The following GABRB1 variants were observed in gnomAD, a reference collection of about 807,000 sequenced individuals.
GABRB1 encodes the protein gamma-aminobutyric acid receptor subunit beta-1.
In GABRB1, 17 loss-of-function variants were observed where a neutral mutation model predicts 51.6. The observed-to-expected ratio is 0.33, with a 90% confidence interval of 0.23 to 0.49. The LOEUF (loss-of-function observed/expected upper bound fraction) is 0.49. Among genes scored for constraint, GABRB1 ranks in the 20% least tolerant of loss-of-function variants. The pLI is 0.99. For missense variants in GABRB1, 410 were observed against 600.6 expected, an observed-to-expected ratio of 0.68 and a Z score of 3.32; for synonymous variants, 247 against 218.9, an observed-to-expected ratio of 1.13 and a Z score of -1.14.
At chr4:47,027,719 C>T (rs1383765251), upstream of GABRB1, among the ~76,000 whole-genome samples, 1 of 151,448 alleles carries the variant, frequency 6.6e-6, no homozygotes, top group Non-Finnish European at 1.5e-5. Context: ...TAATGCTATA[C>T]TTAAGCTAGA....
At chr4:47,031,233 T>C (rs1478024064), upstream of GABRB1, 2 of 186,224 alleles carry the variant, frequency 1.1e-5, no homozygotes, top group African/African-American at 4.7e-5. Flanking sequence ...AGAGTCCCCG[T>C]TCTAGGACCT....
upstream of GABRB1, among the ~76,000 whole-genome samples, chr4:47,029,681 TG>T (rs1224544521): frequency 6.6e-6 from 1 of 152,054 alleles, no homozygotes; most frequent in Non-Finnish European, 1.5e-5. Context: ...TTTTGTTTTT[TG>T]TATTAAAGTT....
At chr4:47,000,787 C>T (rs146853986) in intron 1 of GABRB1, among the ~76,000 whole-genome samples, 25 of 152,128 alleles carry the variant, frequency 1.6e-4, no homozygotes, top group African/African-American at 5.6e-4. Flanking sequence ...TTTTATATGC[C>T]GGCTGGTTTT....
intron 3 of GABRB1, among the ~76,000 whole-genome samples, chr4:47,102,457 T>C (rs975453430): frequency 1.6e-4 from 24 of 151,892 alleles, no homozygotes; most frequent in African/African-American, 5.8e-4. Flanking sequence ...TGTGAGTATA[T>C]ATGAAAGGGA....
intron 3 of GABRB1, among the ~76,000 whole-genome samples, chr4:47,087,281 T>A (rs11936304): frequency 0.081 from 1,375 of 17,024 alleles, 15 homozygotes; most frequent in African/African-American, 0.2. Context: ...TAGCATTAAT[T>A]TTTTTTTTTG....
rs537117986 is a variant in GABRB1 at position 47,160,578 on chromosome 4, T to TA, written c.241-670dup. Among the ~76,000 whole-genome samples, 6 of 152,246 alleles carry TA rather than the reference T, an allele frequency of 3.9e-5. No homozygotes were observed. In the South Asian group the frequency reaches 1.2e-3, roughly 32 times the overall value. On this transcript the variant is annotated intron_variant, in intron 3 of 8. Coordinates refer to ENST00000295454, the MANE Select transcript of GABRB1 (RefSeq NM_000812.4). Reference sequence around the variant, plus strand: ...ATTCCTCTCCAAAACAGAACTGTAATATAATGTCCAGAGGTCAATGTTTGT... The same window carrying TA: ...ATTCCTCTCCAAAACAGAACTGTAATAATAATGTCCAGAGGTCAATGTTTGT...
chr4:47,138,130 G>C (rs1422336464), intron 3 of GABRB1, among the ~76,000 whole-genome samples: 1 of 152,016 alleles, frequency 6.6e-6, no homozygotes, highest in South Asian at 2.1e-4. Context: ...AAATTGATGG[G>C]ACTCTATGGT....
intron 3 of GABRB1, among the ~76,000 whole-genome samples, chr4:47,061,527 A>T (rs1341784636): frequency 6.6e-6 from 1 of 152,198 alleles, no homozygotes; most frequent in Non-Finnish European, 1.5e-5. Context: ...AGTAAATCCT[A>T]CTAGGAAAAT....
At chr4:47,257,089 A>G (rs1722234620) in intron 4 of GABRB1, among the ~76,000 whole-genome samples, 1 of 152,150 alleles carries the variant, frequency 6.6e-6, no homozygotes, top group Admixed American at 6.6e-5. Flanking sequence ...GGTTTAGTCA[A>G]TGGAAGAACC....
chr4:47,130,959 A>T (rs1238088719), intron 3 of GABRB1, among the ~76,000 whole-genome samples: 1 of 152,238 alleles, frequency 6.6e-6, no homozygotes, highest in Non-Finnish European at 1.5e-5. Flanking sequence ...TCAACCAGTC[A>T]TCAAACTGAC....
chr4:47,186,114 C>T (rs145231129), intron 4 of GABRB1, among the ~76,000 whole-genome samples: 68 of 151,514 alleles, frequency 4.5e-4, no homozygotes, highest in Non-Finnish European at 8.0e-4. Context: ...CATAATATTG[C>T]GCTGACACTG....
At chr4:47,006,106 T>C (rs924070525) in intron 1 of GABRB1, among the ~76,000 whole-genome samples, 3 of 151,946 alleles carry the variant, frequency 2.0e-5, no homozygotes, top group Non-Finnish European at 2.9e-5. Context: ...TCTTTGACAA[T>C]GGAATCCCTT....
At chr4:47,146,820 C>T (rs1169240687) in intron 3 of GABRB1, among the ~76,000 whole-genome samples, 1 of 151,998 alleles carries the variant, frequency 6.6e-6, no homozygotes, top group Non-Finnish European at 1.5e-5. Context: ...TTCTGCGTGA[C>T]TTTTCTTAAA....
intron 4 of GABRB1, among the ~76,000 whole-genome samples, chr4:47,279,020 G>A (rs544719228): frequency 1.1e-4 from 17 of 152,050 alleles, no homozygotes; most frequent in African/African-American, 3.9e-4. Context: ...TGAGGCACTT[G>A]GGGAACTAAA....
chr4:47,006,818 T>C (rs1724416318), intron 1 of GABRB1, among the ~76,000 whole-genome samples: 3 of 152,188 alleles, frequency 2.0e-5, no homozygotes, highest in Admixed American at 6.5e-5. Flanking sequence ...AGATAAAGAT[T>C]GCCACACTGA....
At chr4:47,293,676 C>T (rs188033457) in intron 4 of GABRB1, among the ~76,000 whole-genome samples, 66 of 152,170 alleles carry the variant, frequency 4.3e-4, no homozygotes, top group Middle Eastern at 3.4e-3. Context: ...GTAAATGAAT[C>T]CAAGATCAAA....
intron 1 of GABRB1, among the ~76,000 whole-genome samples, chr4:47,009,971 T>A (rs1724538357): frequency 6.6e-6 from 1 of 152,216 alleles, no homozygotes; most frequent in Non-Finnish European, 1.5e-5. Flanking sequence ...ACTAAACAGT[T>A]CACAAAACAA....
At chr4:47,031,757 T>G in intron 1 of GABRB1, 26 bp downstream of exon 1, 4 of 1,142,556 alleles carry the variant, frequency 3.5e-6, no homozygotes, top group Non-Finnish European at 3.6e-6. Flanking sequence ...TGAATCTCGC[T>G]CTCTCTCTCT....
Position 47,210,350 on chromosome 4 carries a change from T to C in GABRB1, c.461+48881T>C, listed in dbSNP as rs573917440. On this transcript the variant is annotated intron_variant, in intron 4 of 8. Coordinates refer to ENST00000295454, the MANE Select transcript of GABRB1 (RefSeq NM_000812.4). ...GAGACTGCAAAGCATATGAATGAACTGTAGCTGAAATGTATTTATAGAATG... is the reference window on the plus strand; with the variant it reads ...GAGACTGCAAAGCATATGAATGAACCGTAGCTGAAATGTATTTATAGAATG... 3.9e-5 allele frequency among the ~76,000 whole-genome samples: 6 copies of C among 152,306 alleles called. No individual in the cohort carries two copies. The South Asian group carries it at 1.2e-3, about 32-fold the overall frequency.
Sources: gnomAD v4.1 joint callset for allele counts (sites outside exome capture counted in the v4.1 genomes callset) on GRCh38, gnomAD v4.1.1 for gene constraint, MANE v1.5 for transcripts, NCBI Gene and HGNC (gene_info 2026-07-23, HGNC 2026-07-21) for gene names.